The following WRN variants were observed in gnomAD, a reference collection of about 807,000 sequenced individuals.
WRN encodes the protein bifunctional 3'-5' exonuclease/ATP-dependent helicase WRN.
Under a neutral mutation model 180.7 loss-of-function variants are expected in WRN, and 149 were observed. That is an observed-to-expected ratio of 0.82 (90% CI 0.72 to 0.94). The LOEUF is 0.94. Ranked by LOEUF, WRN falls within the 40% of genes least tolerant of loss-of-function variation. The pLI, the probability that WRN is intolerant of heterozygous loss-of-function variation, is 0.00. For synonymous variants in WRN, 548 were observed against 568.9 expected, an observed-to-expected ratio of 0.96 and a Z score of 0.52; for missense variants, 1,661 against 1,700.1, an observed-to-expected ratio of 0.98 and a Z score of 0.40.
chr8:31,068,898 T>TGA (rs1227623389), intron 7 of WRN, among the ~76,000 whole-genome samples: 1 of 152,208 alleles, frequency 6.6e-6, no homozygotes, highest in Admixed American at 6.5e-5. Flanking sequence ...GATAAGCCAG[T>TGA]GAGAGCAGAA....
chr8:31,102,171 G>A (rs1343681775), intron 18 of WRN, among the ~76,000 whole-genome samples: 1 of 152,204 alleles, frequency 6.6e-6, no homozygotes, highest in Non-Finnish European at 1.5e-5. Context: ...GATGCCAAAT[G>A]TTCCCTTACC....
chr8:31,167,412 A>G (rs117133984), intron 34 of WRN, among the ~76,000 whole-genome samples, 182 bp downstream of exon 34: 2 of 152,210 alleles, frequency 1.3e-5, no homozygotes, highest in East Asian at 3.9e-4. Context: ...AAAAGACAGT[A>G]AAAGGGAGGT....
intron 11 of WRN, chr8:31,087,518 C>A (rs1813578331): frequency 8.2e-6 from 3 of 367,090 alleles, no homozygotes; most frequent in African/African-American, 4.1e-5. Flanking sequence ...TGATAGCTTT[C>A]CCCAGGGGCA....
At chr8:31,165,372 T>G (rs1191418291) in intron 33 of WRN, among the ~76,000 whole-genome samples, 2 of 152,066 alleles carry the variant, frequency 1.3e-5, no homozygotes, top group African/African-American at 4.8e-5. Flanking sequence ...TGGGAAAATT[T>G]ATATGGTCTT....
chr8:31,156,555 A>G (rs1287713145), intron 32 of WRN, among the ~76,000 whole-genome samples: 2 of 152,224 alleles, frequency 1.3e-5, no homozygotes, highest in Admixed American at 6.5e-5. Context: ...CCTTTGAAGG[A>G]TGAAAAACAT....
chr8:31,170,349 G>A (rs967212281), intron 34 of WRN, among the ~76,000 whole-genome samples: 8 of 151,946 alleles, frequency 5.3e-5, no homozygotes, highest in African/African-American at 1.7e-4. Context: ...AAGAGAGAAT[G>A]TATGACATTT....
At chr8:31,083,575 T>C (rs1813404836) in intron 9 of WRN, 124 bp from the exon 10 acceptor site, 1 of 589,480 alleles carries the variant, frequency 1.7e-6, no homozygotes, top group Non-Finnish European at 3.0e-6. Context: ...TAAATATATA[T>C]TATATATCCA....
Position 31,154,760 on chromosome 8 carries a change from G to C in WRN, c.3819+5G>C, listed in dbSNP as rs770289356. ...CAAGAAAAGAAGATGCCTTTGGTAA[G>C]TGTGACTTTCATGTTACAGGGAATT... On this transcript the variant is annotated splice_donor_5th_base_variant and intron_variant, in intron 32 of 34. Transcript: ENST00000298139. 177 of 1,613,136 alleles carry C rather than the reference G, an allele frequency of 1.1e-4. No individual in the cohort carries two copies. The highest frequency in any genetic ancestry group is 1.4e-4 in the Non-Finnish European group (161 of 1,179,548).
chr8:31,051,304 A>G (rs6990523), intron 1 of WRN, among the ~76,000 whole-genome samples: 16,687 of 152,174 alleles, frequency 0.11, 1,130 homozygotes, highest in African/African-American at 0.19. Context: ...AGAAGATGAC[A>G]CTATTCTAAG....
At chr8:31,093,109 T>C (rs1269030182) in intron 16 of WRN, among the ~76,000 whole-genome samples, 1 of 152,136 alleles carries the variant, frequency 6.6e-6, no homozygotes, top group Non-Finnish European at 1.5e-5. Context: ...TGGCTAATTA[T>C]TAAATTTTTT....
chr8:31,059,860 T>C (rs1812421331), intron 3 of WRN, among the ~76,000 whole-genome samples: 1 of 151,906 alleles, frequency 6.6e-6, no homozygotes, highest in Non-Finnish European at 1.5e-5. Context: ...ATTGAGACCA[T>C]CCCGGCTAAC....
intron 20 of WRN, among the ~76,000 whole-genome samples, chr8:31,119,652 T>C (rs1424852608): frequency 6.6e-6 from 1 of 151,982 alleles, no homozygotes; most frequent in Non-Finnish European, 1.5e-5. Context: ...ATTATGGCTA[T>C]TTTTCTTTCT....
At chr8:31,083,190 A>G (rs964791018) in intron 9 of WRN, among the ~76,000 whole-genome samples, 3 of 152,218 alleles carry the variant, frequency 2.0e-5, no homozygotes, top group African/African-American at 7.2e-5. Context: ...CTGAATAAAT[A>G]ACATCTCTGA....
At chr8:31,143,072 C>T (rs1802721300) in intron 27 of WRN, among the ~76,000 whole-genome samples, 1 of 142,962 alleles carries the variant, frequency 7.0e-6, no homozygotes, top group African/African-American at 2.6e-5. Flanking sequence ...CTCTCTCTCT[C>T]TCACACACAC....
intron 7 of WRN, among the ~76,000 whole-genome samples, chr8:31,069,702 G>A (rs1812836157): frequency 6.6e-6 from 1 of 152,146 alleles, no homozygotes; most frequent in Non-Finnish European, 1.5e-5. Flanking sequence ...GAGGTTCCTG[G>A]AACCAATCCC....
chr8:31,082,658 G>T (rs562416668), intron 9 of WRN, among the ~76,000 whole-genome samples: 1 of 151,564 alleles, frequency 6.6e-6, no homozygotes, highest in Non-Finnish European at 1.5e-5. Flanking sequence ...GTGCCGTGGC[G>T]CAGTCTTGGC....
chr8:31,128,798 G>C (rs1268426304), intron 23 of WRN, among the ~76,000 whole-genome samples: 1 of 152,178 alleles, frequency 6.6e-6, no homozygotes, highest in Non-Finnish European at 1.5e-5. Flanking sequence ...GGCGGAGCTT[G>C]CAGTGAGCCG....
At chr8:31,119,841 A>G (rs1488977529) in intron 20 of WRN, 1 of 183,528 alleles carries the variant, frequency 5.4e-6, no homozygotes, top group African/African-American at 2.4e-5. Flanking sequence ...GTTTCATCCC[A>G]CCATCTTTAA....
chr8:31,080,069 CAG>C (rs912674545), intron 8 of WRN, among the ~76,000 whole-genome samples: 1 of 152,076 alleles, frequency 6.6e-6, no homozygotes, highest in Non-Finnish European at 1.5e-5. Flanking sequence ...TTAGTAGAGA[CAG>C]GGTTTTGCCA....
Sources: allele counts gnomAD v4.1 joint callset (sites outside exome capture counted in the v4.1 genomes callset), GRCh38; gene constraint gnomAD v4.1.1; transcripts MANE v1.5; gene names NCBI Gene and HGNC (gene_info 2026-07-23, HGNC 2026-07-21).